The following CERS6 variants were observed in gnomAD, a reference collection of about 807,000 sequenced individuals.
The protein encoded by CERS6 is LAG1 homolog, ceramide synthase 6.
A neutral mutation model predicts 56.8 loss-of-function variants in CERS6; 26 were observed. The observed-to-expected ratio is 0.46, with a 90% CI of 0.34 to 0.63. The LOEUF (loss-of-function observed/expected upper bound fraction) is 0.63, where lower values mean the gene tolerates loss of function less well. CERS6 is among the 30% of genes least tolerant of loss of function. The probability of loss-of-function intolerance (pLI) is 0.01; values close to 1 mark genes in which losing one functional copy is unlikely to be tolerated. For synonymous variants in CERS6, 164 were observed against 173.3 expected, an observed-to-expected ratio of 0.95 and a Z score of 0.42; for missense variants, 415 against 467.5, an observed-to-expected ratio of 0.89 and a Z score of 1.04.
intron 8 of CERS6, among the ~76,000 whole-genome samples, chr2:168,755,262 T>C (rs1559081840): frequency 6.6e-6 from 1 of 152,214 alleles, no homozygotes; most frequent in East Asian, 1.9e-4. Context: ...ATAATGAGAC[T>C]GAATCTAATA....
intron 8 of CERS6, among the ~76,000 whole-genome samples, chr2:168,743,855 C>A (rs2105433719): frequency 6.6e-6 from 1 of 152,154 alleles, no homozygotes; most frequent in East Asian, 1.9e-4. Context: ...CAGTGGGCCA[C>A]AAAATTTTTA....
At chr2:168,686,810 A>G (rs1686365547) in intron 4 of CERS6, among the ~76,000 whole-genome samples, 1 of 152,212 alleles carries the variant, frequency 6.6e-6, no homozygotes. Context: ...GACTGTCTAC[A>G]AAATAATTGA....
chr2:168,481,588 A>G (rs1694179306), intron 1 of CERS6, among the ~76,000 whole-genome samples: 2 of 152,350 alleles, frequency 1.3e-5, no homozygotes, highest in South Asian at 4.1e-4. Flanking sequence ...ATTGCTGGGT[A>G]ATTCCTGACC....
At chr2:168,670,966 T>TGGGGG (rs1685893976) in intron 4 of CERS6, among the ~76,000 whole-genome samples, 1 of 30,568 alleles carries the variant, frequency 3.3e-5, no homozygotes, top group Non-Finnish European at 1.3e-4. Flanking sequence ...GATACATGCT[T>TGGGGG]CCCCCCCCCC....
intron 1 of CERS6, among the ~76,000 whole-genome samples, chr2:168,497,765 G>C (rs1003287323): frequency 2.0e-5 from 3 of 152,166 alleles, no homozygotes; most frequent in Non-Finnish European, 4.4e-5. Flanking sequence ...ATGGGATGCC[G>C]TTAGTAGGTT....
In CERS6 at chr2:168,597,376, T is replaced by A. The variant is rs149310139; in HGVS notation, c.408-33609T>A. Among the ~76,000 whole-genome samples the A allele has an allele frequency of 3.9e-3, 589 of 152,262 alleles. 3 individuals are homozygous for A. Among genetic ancestry groups the A allele is most frequent in the Middle Eastern group, 0.017 (5 of 294 alleles). ...CAAAGAGGATCTTTCCCCTGCACAC[T>A]CTCATTCCATGGACAGGCCAGGGGT... is the stretch of plus-strand genomic sequence containing the variant. On this transcript the variant is annotated intron_variant, in intron 3 of 9. Coordinates refer to ENST00000305747, the MANE Select transcript of CERS6 (RefSeq NM_203463.3).
At chr2:168,595,879 A>G (rs569984194) in intron 3 of CERS6, among the ~76,000 whole-genome samples, 3 of 152,302 alleles carry the variant, frequency 2.0e-5, no homozygotes, top group East Asian at 1.9e-4. Context: ...TTATTGTTCA[A>G]TGTAAGTAGA....
chr2:168,531,588 A>C (rs188887633), intron 1 of CERS6, among the ~76,000 whole-genome samples: 7 of 152,254 alleles, frequency 4.6e-5, no homozygotes, highest in African/African-American at 1.7e-4. Flanking sequence ...TTGGGAGGCC[A>C]AGGCGGGTGG....
At chr2:168,699,466 C>G (rs1173475110) in intron 6 of CERS6, among the ~76,000 whole-genome samples, 1 of 152,174 alleles carries the variant, frequency 6.6e-6, no homozygotes, top group African/African-American at 2.4e-5. Context: ...TAAACATTGG[C>G]TCCAAATGCA....
At chr2:168,738,062 T>C (rs554553206) in intron 8 of CERS6, among the ~76,000 whole-genome samples, 87 of 152,350 alleles carry the variant, frequency 5.7e-4, no homozygotes, top group Non-Finnish European at 8.8e-4. Flanking sequence ...AATAGGTCAA[T>C]TGTTATTCTA....
chr2:168,550,926 G>A (rs1695559899), intron 2 of CERS6, among the ~76,000 whole-genome samples: 1 of 152,200 alleles, frequency 6.6e-6, no homozygotes, highest in African/African-American at 2.4e-5. Flanking sequence ...GAGACAGGGA[G>A]GCTGGTGAGT....
At chr2:168,570,235 C>T (rs186884790) in intron 3 of CERS6, among the ~76,000 whole-genome samples, 10 of 152,264 alleles carry the variant, frequency 6.6e-5, no homozygotes, top group South Asian at 2.1e-4. Flanking sequence ...GCATTACTCA[C>T]GCACAAGAAA....
chr2:168,572,592 G>A (rs1696009856), intron 3 of CERS6, among the ~76,000 whole-genome samples: 1 of 151,956 alleles, frequency 6.6e-6, no homozygotes, highest in Non-Finnish European at 1.5e-5. Context: ...TGCCTGCAGA[G>A]CAAACATGGA....
intron 4 of CERS6, among the ~76,000 whole-genome samples, chr2:168,672,410 T>C (rs1436831945): frequency 6.6e-6 from 1 of 152,242 alleles, no homozygotes; most frequent in African/African-American, 2.4e-5. Context: ...TAAACATTAT[T>C]GGGCTAATAT....
At chr2:168,458,215 A>C (rs1693711375) in intron 1 of CERS6, among the ~76,000 whole-genome samples, 1 of 152,202 alleles carries the variant, frequency 6.6e-6, no homozygotes, top group African/African-American at 2.4e-5. Flanking sequence ...AATTATGATA[A>C]ATTGTGTCTG....
At position 168,631,861 on chromosome 2, in the gene CERS6, T is replaced by C. The variant is rs1188105834; in HGVS notation, c.465+819T>C. Among the ~76,000 whole-genome samples the C allele has an allele frequency of 2.2e-5, 3 of 135,222 alleles. No homozygotes were observed. The East Asian group carries it at 6.4e-4, about 29-fold the overall frequency. The allele number at this position is 135,222 out of a possible 152,430, so 88.7% of individuals were successfully genotyped here. The stretch of plus-strand genomic sequence containing the variant: ...ATTATATAATATATATTATATATTA[T>C]ACATTTATTATGTGTTATATAATTA... On this transcript the variant is annotated intron_variant, in intron 4 of 9. Coordinates refer to ENST00000305747, the MANE Select transcript of CERS6 (RefSeq NM_203463.3).
chr2:168,582,414 A>T (rs1473061659), intron 3 of CERS6, among the ~76,000 whole-genome samples: 9 of 152,102 alleles, frequency 5.9e-5, no homozygotes, highest in Admixed American at 5.9e-4. Context: ...GCTTCTTACT[A>T]TCTTGTCACC....
At chr2:168,639,919 G>A (rs767109147) in intron 4 of CERS6, among the ~76,000 whole-genome samples, 5 of 152,124 alleles carry the variant, frequency 3.3e-5, no homozygotes, top group Non-Finnish European at 7.3e-5. Context: ...CTGCTTGACA[G>A]GGGCCGTTGC....
chr2:168,466,925 C>T (rs746647917), intron 1 of CERS6, among the ~76,000 whole-genome samples: 1 of 152,182 alleles, frequency 6.6e-6, no homozygotes, highest in African/African-American at 2.4e-5. Context: ...GTTTGTAACT[C>T]GCCATTGTCT....
Sources: gnomAD v4.1 joint callset for allele counts (sites outside exome capture counted in the v4.1 genomes callset) on GRCh38, gnomAD v4.1.1 for gene constraint, MANE v1.5 for transcripts, NCBI Gene and HGNC (gene_info 2026-07-23, HGNC 2026-07-21) for gene names.